Variants in SCHIP1 observed in about 807,000 individuals in gnomAD.
SCHIP1 encodes the protein schwannomin interacting protein 1.
SCHIP1 carries 8 observed loss-of-function variants against 29.7 expected under a neutral mutation model. The ratio of observed to expected loss-of-function variants is 0.27; its 90% CI spans 0.16 to 0.49. SCHIP1 has a LOEUF of 0.49. SCHIP1 is among the 20% of genes least tolerant of loss of function. The pLI, the probability that SCHIP1 is intolerant of heterozygous loss-of-function variation, is 0.99. For missense variants in SCHIP1, 193 were observed against 294.6 expected, an observed-to-expected ratio of 0.66 and a Z score of 2.52; for synonymous variants, 76 against 94.9, an observed-to-expected ratio of 0.80 and a Z score of 1.16.
the SCHIP1 span, among the ~76,000 whole-genome samples, chr3:159,767,087 T>A: frequency 6.6e-6 from 1 of 152,134 alleles, no homozygotes; most frequent in South Asian, 2.1e-4. Context: ...AAAGCAAGGA[T>A]GTATACAGAA....
the SCHIP1 span, among the ~76,000 whole-genome samples, chr3:159,639,539 A>G: frequency 6.6e-6 from 1 of 152,194 alleles, no homozygotes; most frequent in African/African-American, 2.4e-5. Context: ...TTATGGCTAA[A>G]TAACGGCAAA....
the SCHIP1 span, among the ~76,000 whole-genome samples, chr3:159,599,840 T>C: frequency 6.6e-6 from 1 of 152,240 alleles, no homozygotes; most frequent in Non-Finnish European, 1.5e-5. Context: ...TGTGTTTTCA[T>C]GATGGTAGAT....
At chr3:159,356,336 C>T in the SCHIP1 span, among the ~76,000 whole-genome samples, 1 of 152,058 alleles carries the variant, frequency 6.6e-6, no homozygotes, top group South Asian at 2.1e-4. Flanking sequence ...AACATGTGCC[C>T]ATTTTGGCCA....
the SCHIP1 span, among the ~76,000 whole-genome samples, chr3:159,550,555 G>A: frequency 6.6e-6 from 1 of 151,920 alleles, no homozygotes; most frequent in Non-Finnish European, 1.5e-5. Context: ...GTGTTTGCAT[G>A]GCATTAATTT....
At chr3:159,815,899 G>A in the SCHIP1 span, among the ~76,000 whole-genome samples, 1 of 151,922 alleles carries the variant, frequency 6.6e-6, no homozygotes, top group African/African-American at 2.4e-5. Context: ...GCTATTAACT[G>A]TCACCTCAAC....
chr3:159,537,179 A>T, the SCHIP1 span, among the ~76,000 whole-genome samples: 1 of 152,192 alleles, frequency 6.6e-6, no homozygotes, highest in Admixed American at 6.6e-5. Flanking sequence ...ATTCAGACCA[A>T]GGAGGGATGA....
At chr3:159,877,307 C>T (rs1234670200) in intron 2 of SCHIP1, among the ~76,000 whole-genome samples, 1 of 152,118 alleles carries the variant, frequency 6.6e-6, no homozygotes, top group African/African-American at 2.4e-5. Flanking sequence ...CCGAGATCAC[C>T]CCATTGCACT....
At chr3:159,485,216 G>A in the SCHIP1 span, among the ~76,000 whole-genome samples, 5 of 152,248 alleles carry the variant, frequency 3.3e-5, no homozygotes, top group East Asian at 3.9e-4. Flanking sequence ...GCAAGGAGAG[G>A]ATGAGACAAG....
At chr3:159,695,271 A>T in the SCHIP1 span, among the ~76,000 whole-genome samples, 1 of 152,110 alleles carries the variant, frequency 6.6e-6, no homozygotes, top group Non-Finnish European at 1.5e-5. Context: ...CAAAACCCTT[A>T]ATGTGGCTAT....
At chr3:159,888,098 G>C in intron 4 of SCHIP1, 193 bp downstream of exon 5, 1 of 777,242 alleles carries the variant, frequency 1.3e-6, no homozygotes, top group East Asian at 2.8e-5. Context: ...AGAAGCAATA[G>C]ATTTCACAAA....
the SCHIP1 span, among the ~76,000 whole-genome samples, chr3:159,521,652 A>G: frequency 6.6e-6 from 1 of 152,252 alleles, no homozygotes; most frequent in Non-Finnish European, 1.5e-5. Flanking sequence ...CGCTGGAATA[A>G]CAGTAAAATT....
the SCHIP1 span, among the ~76,000 whole-genome samples, chr3:159,597,906 G>T: frequency 6.6e-6 from 1 of 152,256 alleles, no homozygotes; most frequent in Admixed American, 6.5e-5. Context: ...GTTTCTCATG[G>T]CTGGAAAGGC....
the SCHIP1 span, among the ~76,000 whole-genome samples, chr3:159,713,241 AAAG>A: frequency 1.1e-5 from 1 of 88,032 alleles, no homozygotes; most frequent in African/African-American, 4.9e-5. Context: ...AGGAAGAAAG[AAAG>A]AAAGAAAGAA....
the SCHIP1 span, among the ~76,000 whole-genome samples, chr3:159,758,585 T>A: frequency 6.6e-6 from 1 of 152,234 alleles, no homozygotes; most frequent in Non-Finnish European, 1.5e-5. Context: ...AATGACTTTA[T>A]TTTAAAAAGA....
At chr3:159,623,230 T>C in the SCHIP1 span, among the ~76,000 whole-genome samples, 1 of 152,072 alleles carries the variant, frequency 6.6e-6, no homozygotes, top group African/African-American at 2.4e-5. Flanking sequence ...AAAAAATAAA[T>C]GTATATAGAC....
the SCHIP1 span, among the ~76,000 whole-genome samples, chr3:159,385,112 T>C: frequency 4.6e-5 from 7 of 152,182 alleles, no homozygotes; most frequent in African/African-American, 1.7e-4. Context: ...GAGAACTAGA[T>C]ACAAGTGAAC....
At chr3:159,765,150 G>A in the SCHIP1 span, 3 of 1,548,960 alleles carry the variant, frequency 1.9e-6, no homozygotes, top group Non-Finnish European at 2.6e-6. Context: ...TAAGTTGGCC[G>A]GGGTGCGTGC....
chr3:159,383,413 G>C, the SCHIP1 span, among the ~76,000 whole-genome samples: 1 of 151,514 alleles, frequency 6.6e-6, no homozygotes, highest in Admixed American at 6.6e-5. Flanking sequence ...AGATCAGATA[G>C]TTGTAGATAT....
the SCHIP1 span, among the ~76,000 whole-genome samples, chr3:159,687,702 C>G: frequency 6.6e-6 from 1 of 152,150 alleles, no homozygotes; most frequent in Non-Finnish European, 1.5e-5. Context: ...CTGCACCCAT[C>G]AACCCATCAA....
Sources: allele counts gnomAD v4.1 joint callset (sites outside exome capture counted in the v4.1 genomes callset), GRCh38; gene constraint gnomAD v4.1.1; transcripts MANE v1.5; gene names NCBI Gene and HGNC (gene_info 2026-07-23, HGNC 2026-07-21).